CCDC102B: variants seen among roughly 807,000 people sequenced by gnomAD.
CCDC102B encodes the protein coiled-coil domain containing 102B.
In CCDC102B, 75 loss-of-function variants were observed where a neutral mutation model predicts 57.4. That is an observed-to-expected ratio of 1.31 (90% CI 1.08 to 1.58). The LOEUF (loss-of-function observed/expected upper bound fraction) is 1.58. Ranked by LOEUF, CCDC102B falls within the 40% of genes most tolerant of loss-of-function variation. CCDC102B has a pLI of 0.00. For missense variants in CCDC102B, 636 were observed against 582.6 expected, an observed-to-expected ratio of 1.09 and a Z score of -0.94; for synonymous variants, 206 against 201.9, an observed-to-expected ratio of 1.02 and a Z score of -0.17.
At chr18:68,826,171 G>A (rs2036895604) in intron 1 of CCDC102B, among the ~76,000 whole-genome samples, 1 of 152,324 alleles carries the variant, frequency 6.6e-6, no homozygotes, top group East Asian at 1.9e-4. Context: ...CAGCAATATA[G>A]TTTCTGTGGA....
intron 6 of CCDC102B, among the ~76,000 whole-genome samples, chr18:68,956,483 T>A (rs1158329120): frequency 1.9e-5 from 1 of 51,636 alleles, no homozygotes; most frequent in Non-Finnish European, 3.1e-5. Context: ...TATATATATA[T>A]AATATATATA....
chr18:68,730,496 A>AT (rs995595453), intron 2 of CCDC102B, among the ~76,000 whole-genome samples: 4 of 152,004 alleles, frequency 2.6e-5, no homozygotes, highest in Non-Finnish European at 5.9e-5. Flanking sequence ...TTATTATGCC[A>AT]TTTTTTCATA....
At chr18:68,910,935 AC>A (rs1448445273) in intron 6 of CCDC102B, among the ~76,000 whole-genome samples, 4 of 148,480 alleles carry the variant, frequency 2.7e-5, no homozygotes, top group African/African-American at 9.9e-5. Context: ...AAAAAAAAAA[AC>A]AGATGATGGT....
At chr18:68,843,700 T>G (rs2037735518) in intron 3 of CCDC102B, among the ~76,000 whole-genome samples, 1 of 152,098 alleles carries the variant, frequency 6.6e-6, no homozygotes, top group South Asian at 2.1e-4. Context: ...ATGAAGAATG[T>G]GTACATAAAC....
intron 4 of CCDC102B, among the ~76,000 whole-genome samples, chr18:68,864,421 C>T (rs1179081227): frequency 6.6e-6 from 1 of 151,994 alleles, no homozygotes; most frequent in African/African-American, 2.4e-5. Context: ...CTACTGCTGC[C>T]TGCTTTTTCA....
chr18:68,860,522 C>A (rs1184240197), intron 4 of CCDC102B, among the ~76,000 whole-genome samples: 2 of 127,776 alleles, frequency 1.6e-5, no homozygotes, highest in Middle Eastern at 4.0e-3. Flanking sequence ...TCTGTTAGAC[C>A]CCTTTCCCTC....
At chr18:68,913,305 A>ACTGTCTGTGTGT (rs1555725380) in intron 6 of CCDC102B, among the ~76,000 whole-genome samples, 51 of 29,540 alleles carry the variant, frequency 1.7e-3, no homozygotes, top group Non-Finnish European at 2.8e-3. Context: ...TTGGATGGTT[A>ACTGTCTGTGTGT]GTGTCTGTGT....
At chr18:68,970,955 ATATT>A (rs2050286692) in intron 6 of CCDC102B, among the ~76,000 whole-genome samples, 1 of 151,984 alleles carries the variant, frequency 6.6e-6, no homozygotes, top group Non-Finnish European at 1.5e-5. Flanking sequence ...ATATATGTAT[ATATT>A]ATATATATGC....
At chr18:68,971,166 C>A (rs568321408) in intron 6 of CCDC102B, among the ~76,000 whole-genome samples, 5 of 151,886 alleles carry the variant, frequency 3.3e-5, no homozygotes, top group Admixed American at 3.3e-4. Context: ...TTCATTTTGA[C>A]TAGCTCTATT....
intron 6 of CCDC102B, among the ~76,000 whole-genome samples, chr18:68,937,020 C>A (rs2049260288): frequency 6.6e-6 from 1 of 151,950 alleles, no homozygotes. Context: ...CCTCTGATCA[C>A]AACATTTTGC....
chr18:68,829,804 G>A (rs1054407213), intron 1 of CCDC102B, among the ~76,000 whole-genome samples: 3 of 151,978 alleles, frequency 2.0e-5, no homozygotes, highest in Non-Finnish European at 4.4e-5. Flanking sequence ...GAAAATTGGG[G>A]TCATCTGTGG....
chr18:68,905,760 T>C (rs9675893), intron 6 of CCDC102B, among the ~76,000 whole-genome samples: 131,752 of 146,004 alleles, frequency 0.9, 59,550 homozygotes, highest in Admixed American at 0.92. Flanking sequence ...TGGAATCATG[T>C]GATATATAAT....
chr18:68,873,525 C>G (rs1323187498), intron 4 of CCDC102B, among the ~76,000 whole-genome samples: 1 of 152,000 alleles, frequency 6.6e-6, no homozygotes, highest in East Asian at 1.9e-4. Context: ...CAGTTATTAT[C>G]TTTGTGAATT....
At chr18:68,997,873 G>T (rs1002665377) in intron 6 of CCDC102B, among the ~76,000 whole-genome samples, 1 of 150,718 alleles carries the variant, frequency 6.6e-6, no homozygotes, top group Non-Finnish European at 1.5e-5. Flanking sequence ...TGGCATTTTC[G>T]CATTGCTGTA....
chr18:68,836,898 A>T lies in CCDC102B; in HGVS notation c.135A>T (p.Pro45=). 4.3e-6 allele frequency: 7 copies of T among 1,614,084 alleles called. No homozygotes were observed. The highest frequency in any genetic ancestry group is 5.1e-6 in the Non-Finnish European group (6 of 1,180,026). ...GGGATACCTGTAATACCTGCTTCCCACTTCATGGGCTACAATCTCATGCTG... is the reference window on the plus strand; with the variant it reads ...GGGATACCTGTAATACCTGCTTCCCTCTTCATGGGCTACAATCTCATGCTG... The part of the protein sequence containing the change: ...PPRDTCNTCF[P]LHGLQSHAAH... Residue 45 remains proline, a synonymous_variant, in exon 2 of 8, where the codon CCA becomes CCT. Coordinates refer to ENST00000360242, the MANE Select transcript of CCDC102B (RefSeq NM_024781.3).
At chr18:68,720,043 T>A (rs1223007212) in intron 2 of CCDC102B, among the ~76,000 whole-genome samples, 2 of 152,180 alleles carry the variant, frequency 1.3e-5, no homozygotes, top group Non-Finnish European at 2.9e-5. Context: ...AAAGTTTTAA[T>A]GAAATTTTCT....
chr18:69,055,917 T>C (rs1599914255), downstream of CCDC102B, among the ~76,000 whole-genome samples: 1 of 152,236 alleles, frequency 6.6e-6, no homozygotes, highest in East Asian at 1.9e-4. Context: ...CTCTTTTCTA[T>C]TCTAGAGTTC....
intron 6 of CCDC102B, among the ~76,000 whole-genome samples, chr18:68,903,987 A>G (rs2040538654): frequency 6.6e-6 from 1 of 152,202 alleles, no homozygotes; most frequent in South Asian, 2.1e-4. Flanking sequence ...AGTTTATTTC[A>G]TCAGTGGTTT....
chr18:68,978,737 G>A (rs2050500917), intron 6 of CCDC102B, among the ~76,000 whole-genome samples: 1 of 151,960 alleles, frequency 6.6e-6, no homozygotes, highest in South Asian at 2.1e-4. Flanking sequence ...CAACTGGCAG[G>A]AAAGTCATTA....
Sources: allele counts gnomAD v4.1 joint callset (sites outside exome capture counted in the v4.1 genomes callset), GRCh38; gene constraint gnomAD v4.1.1; transcripts MANE v1.5; gene names NCBI Gene and HGNC (gene_info 2026-07-23, HGNC 2026-07-21).